EIF2B3: variants seen among roughly 807,000 people sequenced by gnomAD.
The protein encoded by EIF2B3 is eukaryotic translation initiation factor 2B subunit gamma, also known as translation initiation factor eIF2B subunit gamma.
In EIF2B3, 20 loss-of-function variants were observed where a neutral mutation model predicts 54.1. The ratio of observed to expected loss-of-function variants is 0.37; its 90% CI spans 0.26 to 0.54. The LOEUF is 0.54. Ranked by LOEUF, EIF2B3 falls within the 20% of genes least tolerant of loss-of-function variation. The pLI is 0.86. For missense variants in EIF2B3, 448 were observed against 547.8 expected (o/e 0.82, Z 1.82); for synonymous variants, 153 against 188.1 (o/e 0.81, Z 1.52).
intron 5 of EIF2B3, among the ~76,000 whole-genome samples, chr1:44,924,779 A>C (rs1407205737): frequency 6.6e-6 from 1 of 152,056 alleles, no homozygotes; most frequent in African/African-American, 2.4e-5. Context: ...AAGTAGTTTT[A>C]TGGTTATACA....
At position 44,919,883 on chromosome 1, in the gene EIF2B3, CT is replaced by C. The variant is rs1194645004; in HGVS notation, c.566+6744del. ...ACGCATGCGACAACATGCCTGGCTA[CT>C]TTTTTTTTTTTTTTTTTAGTAGATA... On this transcript the variant is annotated intron_variant, in intron 5 of 11. Coordinates refer to ENST00000360403, the MANE Select transcript of EIF2B3 (RefSeq NM_020365.5). Among the ~76,000 whole-genome samples, 403 of 117,222 alleles carry C rather than the reference CT, an allele frequency of 3.4e-3. 6 individuals are homozygous for C. The East Asian group carries it at 0.039, about 11-fold the overall frequency. 76.9% of individuals were successfully genotyped at this position (117,222 alleles called of 152,430 possible). A position where few individuals can be genotyped will look rare whatever the true frequency, so the allele number is the denominator to read the frequency against.
intron 8 of EIF2B3, among the ~76,000 whole-genome samples, chr1:44,879,024 T>C (rs1252865438): frequency 6.6e-6 from 1 of 151,968 alleles, no homozygotes; most frequent in Non-Finnish European, 1.5e-5. Context: ...GCCTCCCAAA[T>C]TGCTAGGATT....
At chr1:44,928,113 C>T (rs1277175327) in intron 4 of EIF2B3, among the ~76,000 whole-genome samples, 4 of 152,070 alleles carry the variant, frequency 2.6e-5, no homozygotes. Context: ...GACTGCTGTA[C>T]TGCACTCCAG....
chr1:44,893,386 C>T (rs1655864169), intron 6 of EIF2B3, among the ~76,000 whole-genome samples: 2 of 152,196 alleles, frequency 1.3e-5, no homozygotes, highest in Non-Finnish European at 2.9e-5. Flanking sequence ...TGCTCTGTTA[C>T]TCTTTCAAGT....
At chr1:44,919,715 CTT>C (rs777128961) in intron 5 of EIF2B3, among the ~76,000 whole-genome samples, 8 of 115,864 alleles carry the variant, frequency 6.9e-5, no homozygotes, top group African/African-American at 7.3e-5. Context: ...ATTGAATGTC[CTT>C]TTTTTTTTTT....
chr1:44,926,167 G>A (rs1399317782), intron 5 of EIF2B3, among the ~76,000 whole-genome samples: 2 of 151,104 alleles, frequency 1.3e-5, no homozygotes, highest in South Asian at 2.1e-4. Context: ...GGCAGAGGTC[G>A]CAGTGAGCCA....
intron 6 of EIF2B3, among the ~76,000 whole-genome samples, chr1:44,883,581 C>T (rs1396052133): frequency 2.0e-5 from 3 of 152,108 alleles, no homozygotes; most frequent in Non-Finnish European, 4.4e-5. Context: ...ATGATTGCAT[C>T]CCCAACCAAT....
Position 44,851,012 on chromosome 1 carries a change from GA to G in EIF2B3, c.1307-10del. The stretch of plus-strand genomic sequence containing the variant: ...CTCATTCACTCGTTTAGCTACAAAA[GA>G]AAAGGAAAAAAGTTTTCTGAGAACT... On this transcript the variant is annotated splice_polypyrimidine_tract_variant and intron_variant, in intron 11 of 11. Coordinates refer to ENST00000360403, the MANE Select transcript of EIF2B3 (RefSeq NM_020365.5). 6.2e-7 allele frequency: 1 copy of G among 1,612,934 alleles called. No homozygotes were observed. Among genetic ancestry groups the G allele is most frequent in the South Asian group, 1.1e-5 (1 of 91,072 alleles).
rs386366852 is a variant in EIF2B3, at chr1:44,922,836, A to ATTTTTTTT, written c.566+3784_566+3791dup. Among the ~76,000 whole-genome samples, 53 of 56,658 alleles carry ATTTTTTTT rather than the reference A, an allele frequency of 9.4e-4. 11 individuals are homozygous for ATTTTTTTT. The highest frequency in any genetic ancestry group is 3.3e-3 in the East Asian group (5 of 1,524). 37.2% of individuals were successfully genotyped at this position (56,658 alleles called of 152,430 possible). ...ATTACTTTCTTGATTTCTTTTTCAG[A>ATTTTTTTT]TTTTTTTTTTTTTTTTTTTTTTTTT... On this transcript the variant is annotated intron_variant, in intron 5 of 11. Coordinates refer to ENST00000360403, the MANE Select transcript of EIF2B3 (RefSeq NM_020365.5).
intron 4 of EIF2B3, among the ~76,000 whole-genome samples, chr1:44,935,507 T>C (rs1050712141): frequency 6.6e-6 from 1 of 152,188 alleles, no homozygotes. Context: ...ATAAATTCTT[T>C]TTTTATTTTG....
At chr1:44,971,732 T>C (rs264000) in intron 3 of EIF2B3, among the ~76,000 whole-genome samples, 1,779 of 152,210 alleles carry the variant, frequency 0.012, 18 homozygotes, top group African/African-American at 0.025. Flanking sequence ...TTGGGATGAC[T>C]ACTATTAAGA....
Position 44,918,981 on chromosome 1 carries a change from T to A in EIF2B3, c.566+7647A>T, listed in dbSNP as rs1458833737. Among the ~76,000 whole-genome samples the A allele has an allele frequency of 2.0e-5, 3 of 152,326 alleles. No homozygotes were observed. In the East Asian group the frequency reaches 5.8e-4, roughly 29 times the overall value. On this transcript the variant is annotated intron_variant, in intron 5 of 11. Coordinates refer to ENST00000360403, the MANE Select transcript of EIF2B3 (RefSeq NM_020365.5). The stretch of plus-strand genomic sequence containing the variant: ...ATGCTTCCAACATACTAACCTCATC[T>A]CATCATTCCAAAGTAATTAAATCAT...
intron 11 of EIF2B3, among the ~76,000 whole-genome samples, chr1:44,855,783 C>T (rs1037156887): frequency 1.3e-5 from 2 of 152,150 alleles, no homozygotes; most frequent in African/African-American, 2.4e-5. Context: ...TTTCGAACTC[C>T]TGACCTCAGG....
chr1:44,966,173 C>G (rs1644336571), intron 3 of EIF2B3, among the ~76,000 whole-genome samples: 1 of 152,054 alleles, frequency 6.6e-6, no homozygotes, highest in Admixed American at 6.6e-5. Context: ...GGCGCAGTGG[C>G]TCAGGCCTGT....
intron 3 of EIF2B3, among the ~76,000 whole-genome samples, chr1:44,975,606 T>C (rs934463773): frequency 4.6e-5 from 7 of 152,308 alleles, no homozygotes; most frequent in East Asian, 1.9e-4. Context: ...TGGCCAGTCA[T>C]TGACCAAAAA....
intron 9 of EIF2B3, among the ~76,000 whole-genome samples, chr1:44,875,212 T>C (rs1655082976): frequency 6.6e-6 from 1 of 151,506 alleles, no homozygotes; most frequent in South Asian, 2.1e-4. Flanking sequence ...AAAAAGAAAA[T>C]TGGGACTGAC....
rs1194645004 is a variant in EIF2B3, at chr1:44,919,883, C to CTTTTTTTTTTT, written c.566+6734_566+6744dup. ...ACGCATGCGACAACATGCCTGGCTACTTTTTTTTTTTTTTTTTTAGTAGAT... is the reference window on the plus strand; with the variant it reads ...ACGCATGCGACAACATGCCTGGCTACTTTTTTTTTTTTTTTTTTTTTTTTTTTTTAGTAGAT... On this transcript the variant is annotated intron_variant, in intron 5 of 11. Transcript: ENST00000360403. 3.5e-4 allele frequency among the ~76,000 whole-genome samples: 41 copies of CTTTTTTTTTTT among 117,228 alleles called. 1 individual carries two copies. The highest frequency in any genetic ancestry group is 7.6e-4 in the African/African-American group (25 of 33,016). 76.9% of individuals were successfully genotyped at this position (117,228 alleles called of 152,430 possible).
chr1:44,906,179 C>T (rs1643407644), intron 5 of EIF2B3, among the ~76,000 whole-genome samples: 1 of 152,186 alleles, frequency 6.6e-6, no homozygotes, highest in Admixed American at 6.5e-5. Flanking sequence ...GACATTTCAG[C>T]AGGTCATGCC....
chr1:44,928,494 C>T (rs980859945), intron 4 of EIF2B3, among the ~76,000 whole-genome samples: 5 of 145,292 alleles, frequency 3.4e-5, no homozygotes, highest in Admixed American at 6.9e-5. Context: ...TTATTTAGGG[C>T]GCTTCGTTTT....
Sources: allele counts gnomAD v4.1 joint callset (sites outside exome capture counted in the v4.1 genomes callset), GRCh38; gene constraint gnomAD v4.1.1; transcripts MANE v1.5; gene names NCBI Gene and HGNC (gene_info 2026-07-23, HGNC 2026-07-21).